The following ITFG1 variants were observed in gnomAD, a reference collection of about 807,000 sequenced individuals.
ITFG1 encodes the protein T-cell immunomodulatory protein.
In ITFG1, 34 loss-of-function variants were observed where a neutral mutation model predicts 81.8. The ratio of observed to expected loss-of-function variants is 0.42; its 90% CI spans 0.32 to 0.55. The LOEUF is 0.55. Among genes scored for constraint, ITFG1 ranks in the 20% least tolerant of loss-of-function variants. The pLI, the probability that ITFG1 is intolerant of heterozygous loss-of-function variation, is 0.17. For missense variants in ITFG1, 672 were observed against 755.4 expected, an observed-to-expected ratio of 0.89 and a Z score of 1.29; for synonymous variants, 285 against 270.6, an observed-to-expected ratio of 1.05 and a Z score of -0.52.
At chr16:47,441,764 T>G (rs564046898) in intron 5 of ITFG1, among the ~76,000 whole-genome samples, 8 of 152,174 alleles carry the variant, frequency 5.3e-5, no homozygotes, top group South Asian at 2.1e-4. Flanking sequence ...CTTTGAAAAC[T>G]GGCACAAGAC....
intron 8 of ITFG1, among the ~76,000 whole-genome samples, chr16:47,351,737 AG>A (rs1217375196): frequency 1.4e-5 from 2 of 147,032 alleles, no homozygotes; most frequent in African/African-American, 2.5e-5. Context: ...GAACCAAAAA[AG>A]AGCCCGCATT....
At chr16:47,289,754 G>C (rs1966886512) in intron 10 of ITFG1, among the ~76,000 whole-genome samples, 1 of 151,780 alleles carries the variant, frequency 6.6e-6, no homozygotes, top group African/African-American at 2.4e-5. Flanking sequence ...ATCTAGATGA[G>C]TCTAGCTATT....
chr16:47,292,347 A>C (rs1966918480), intron 10 of ITFG1, among the ~76,000 whole-genome samples: 1 of 152,024 alleles, frequency 6.6e-6, no homozygotes, highest in South Asian at 2.1e-4. Context: ...CTGTGTCCCT[A>C]TATTGATGTC....
intron 12 of ITFG1, among the ~76,000 whole-genome samples, chr16:47,238,806 T>G (rs1444511882): frequency 1.3e-5 from 2 of 151,434 alleles, no homozygotes; most frequent in African/African-American, 4.9e-5. Context: ...AATGGTTTCT[T>G]TTGTTTGTTT....
intron 8 of ITFG1, among the ~76,000 whole-genome samples, chr16:47,346,516 A>C (rs914881401): frequency 9.2e-5 from 14 of 152,230 alleles, no homozygotes; most frequent in African/African-American, 3.1e-4. Flanking sequence ...AAGATGAGCA[A>C]AATCTACAAA....
chr16:47,208,220 C>G (rs1392455990), intron 14 of ITFG1, among the ~76,000 whole-genome samples: 1 of 152,304 alleles, frequency 6.6e-6, no homozygotes, highest in Admixed American at 6.5e-5. Flanking sequence ...CAAATCCAGG[C>G]TCTGCCTCAT....
At chr16:47,241,751 C>T (rs534181647) in intron 12 of ITFG1, among the ~76,000 whole-genome samples, 3 of 152,086 alleles carry the variant, frequency 2.0e-5, no homozygotes, top group South Asian at 2.1e-4. Flanking sequence ...GTCAGGAAAT[C>T]GAGACCATCC....
chr16:47,181,418 C>CCG (rs1567415897), intron 14 of ITFG1, among the ~76,000 whole-genome samples: 1 of 146,930 alleles, frequency 6.8e-6, no homozygotes, highest in Non-Finnish European at 1.5e-5. Flanking sequence ...TCAGCCCCCC[C>CCG]GCCCGGCCAG....
chr16:47,405,650 T>C (rs1412628732), intron 6 of ITFG1, among the ~76,000 whole-genome samples: 1 of 152,202 alleles, frequency 6.6e-6, no homozygotes, highest in East Asian at 1.9e-4. Context: ...CTGGGGTTAA[T>C]AACAGAACTT....
At chr16:47,224,688 T>C (rs146719081) in intron 13 of ITFG1, among the ~76,000 whole-genome samples, 1 of 152,062 alleles carries the variant, frequency 6.6e-6, no homozygotes, top group East Asian at 1.9e-4. Context: ...AGAAACAGTA[T>C]GGCTCATACG....
In ITFG1 at chr16:47,397,056, G is replaced by A. The variant is rs140554231; in HGVS notation, c.656-21116C>T. Among the ~76,000 whole-genome samples, 799 of 152,334 alleles carry A rather than the reference G, an allele frequency of 5.2e-3. 7 individuals carry two copies. Among genetic ancestry groups the A allele is most frequent in the Middle Eastern group, 0.037 (11 of 294 alleles). On this transcript the variant is annotated intron_variant, in intron 6 of 17. Transcript: ENST00000320640. ...AAAGGAAGATGACGTTTGGTGTAACGGGGTGGCAGAAACCTCATAGGAGGA... is the reference window on the plus strand; with the variant it reads ...AAAGGAAGATGACGTTTGGTGTAACAGGGTGGCAGAAACCTCATAGGAGGA...
chr16:47,276,792 G>C (rs1966402598), intron 10 of ITFG1, among the ~76,000 whole-genome samples: 1 of 152,146 alleles, frequency 6.6e-6, no homozygotes, highest in Non-Finnish European at 1.5e-5. Flanking sequence ...TACTCATTAA[G>C]CATGGGGACA....
chr16:47,455,793 A>AC (rs1163759269), intron 2 of ITFG1, among the ~76,000 whole-genome samples: 1 of 151,154 alleles, frequency 6.6e-6, no homozygotes, highest in Non-Finnish European at 1.5e-5. Context: ...AAAAAAAAAA[A>AC]AAAAAAGGAC....
intron 12 of ITFG1, among the ~76,000 whole-genome samples, chr16:47,249,862 T>C (rs1312756932): frequency 1.3e-5 from 2 of 152,220 alleles, no homozygotes; most frequent in East Asian, 1.9e-4. Flanking sequence ...AACCCAAATA[T>C]GGCAATAATC....
At chr16:47,390,347 G>A (rs1038673247) in intron 6 of ITFG1, among the ~76,000 whole-genome samples, 1 of 152,162 alleles carries the variant, frequency 6.6e-6, no homozygotes, top group African/African-American at 2.4e-5. Flanking sequence ...TTGGTAATGA[G>A]TTCTGTATGT....
intron 8 of ITFG1, among the ~76,000 whole-genome samples, chr16:47,349,744 C>A (rs1245195438): frequency 6.6e-6 from 1 of 152,222 alleles, no homozygotes; most frequent in Non-Finnish European, 1.5e-5. Flanking sequence ...TACCCCAAAT[C>A]AACAGAATAT....
intron 14 of ITFG1, among the ~76,000 whole-genome samples, chr16:47,205,856 CTA>C (rs1450011041): frequency 9.3e-5 from 14 of 150,834 alleles, no homozygotes; most frequent in African/African-American, 3.4e-4. Flanking sequence ...ATCTATCTAT[CTA>C]TCTATCTATC....
intron 8 of ITFG1, among the ~76,000 whole-genome samples, chr16:47,359,097 G>C (rs1178050036): frequency 6.6e-6 from 1 of 152,116 alleles, no homozygotes; most frequent in African/African-American, 2.4e-5. Context: ...GGCCTCAGGA[G>C]GGACAATTTG....
chr16:47,187,381 C>T (rs1479029733), intron 14 of ITFG1, among the ~76,000 whole-genome samples: 1 of 151,512 alleles, frequency 6.6e-6, no homozygotes, highest in African/African-American at 2.4e-5. Context: ...GCTACAGTAA[C>T]CAAAACAGCA....
Sources: gnomAD v4.1 joint callset for allele counts (sites outside exome capture counted in the v4.1 genomes callset) on GRCh38, gnomAD v4.1.1 for gene constraint, MANE v1.5 for transcripts, NCBI Gene and HGNC (gene_info 2026-07-23, HGNC 2026-07-21) for gene names.